The following TRIM9 variants were observed in gnomAD, a reference collection of about 807,000 sequenced individuals.
TRIM9 encodes the protein E3 ubiquitin-protein ligase TRIM9.
A neutral mutation model predicts 78.3 loss-of-function variants in TRIM9; 26 were observed. The ratio of observed to expected loss-of-function variants is 0.33; its 90% CI spans 0.24 to 0.46. The LOEUF is 0.46. TRIM9 is among the 20% of genes least tolerant of loss of function. The probability of loss-of-function intolerance (pLI) is 1.00; values close to 1 mark genes in which losing one functional copy is unlikely to be tolerated. For synonymous variants in TRIM9, 398 were observed against 416.5 expected, an observed-to-expected ratio of 0.96 and a Z score of 0.54; for missense variants, 787 against 1,036.4, an observed-to-expected ratio of 0.76 and a Z score of 3.30.
intron 12 of TRIM9, chr14:50,978,893 G>A (rs12896981): frequency 0.62 from 609,412 of 981,684 alleles, 190,502 homozygotes; most frequent in East Asian, 0.73. Flanking sequence ...AATAATAATT[G>A]ACTAAGTTGT....
intron 1 of TRIM9, chr14:51,088,958 A>C (rs554646503): frequency 6.6e-6 from 1 of 151,598 alleles, no homozygotes; most frequent in Non-Finnish European, 1.5e-5. Flanking sequence ...TGCAAGTGGC[A>C]GGAAACCAAC....
At chr14:51,054,135 C>T (rs1309736827) in intron 1 of TRIM9, among the ~76,000 whole-genome samples, 1 of 152,230 alleles carries the variant, frequency 6.6e-6, no homozygotes, top group Admixed American at 6.5e-5. Flanking sequence ...AAGATCTCAT[C>T]AGGCTGGCCT....
intron 1 of TRIM9, among the ~76,000 whole-genome samples, chr14:51,076,502 C>G (rs1233804642): frequency 6.6e-6 from 1 of 152,218 alleles, no homozygotes; most frequent in African/African-American, 2.4e-5. Context: ...AGGTACCCCT[C>G]TATCTGTATA....
intron 7 of TRIM9, among the ~76,000 whole-genome samples, chr14:50,993,262 G>A (rs1294381304): frequency 6.6e-6 from 1 of 152,168 alleles, no homozygotes; most frequent in Non-Finnish European, 1.5e-5. Flanking sequence ...TTTCTGCAAA[G>A]ACATGAAAAT....
intron 8 of TRIM9, 40 bp from the exon 9 acceptor site, chr14:50,983,461 A>C (rs2052263496): frequency 6.7e-7 from 1 of 1,490,674 alleles, no homozygotes; most frequent in Non-Finnish European, 9.0e-7. Context: ...TGAAACAACA[A>C]CCAGGTTGAT....
intron 5 of TRIM9, among the ~76,000 whole-genome samples, chr14:51,002,892 G>C (rs2055265726): frequency 6.6e-6 from 1 of 152,202 alleles, no homozygotes; most frequent in African/African-American, 2.4e-5. Flanking sequence ...ATTGGTTTAG[G>C]AGAAGAAATC....
chr14:51,019,569 A>T (rs368327624), intron 3 of TRIM9, among the ~76,000 whole-genome samples: 1 of 152,250 alleles, frequency 6.6e-6, no homozygotes, highest in Non-Finnish European at 1.5e-5. Context: ...ACACCAGTGT[A>T]TGAGCTAATT....
At chr14:51,044,818 A>G (rs1042662273) in intron 1 of TRIM9, among the ~76,000 whole-genome samples, 4 of 152,240 alleles carry the variant, frequency 2.6e-5, no homozygotes, top group Admixed American at 1.3e-4. Context: ...TGGGCTAGAT[A>G]AATAACTGCC....
Position 51,022,853 on chromosome 14 carries a change from C to T in TRIM9, c.1023G>A (p.Glu341=). The T allele has an allele frequency of 1.2e-6, 2 of 1,614,196 alleles. No individual in the cohort carries two copies. Among genetic ancestry groups the T allele is most frequent in the Non-Finnish European group, 1.7e-6 (2 of 1,180,030 alleles). ...KAQLLARVNK[E]HEHKLKVVRD... ...CACTCACCTTCAGCTTGTGCTCATG[C>T]TCCTTGTTGACGCGGGCCAGCAGCT... The change falls in exon 3 of 13, where the codon GAG becomes GAA. Residue 341 remains glutamate, a synonymous_variant. Coordinates refer to ENST00000684578, the MANE Select transcript of TRIM9 (RefSeq NM_001387360.1).
At chr14:51,081,401 T>C (rs2063296678) in intron 1 of TRIM9, among the ~76,000 whole-genome samples, 1 of 152,218 alleles carries the variant, frequency 6.6e-6, no homozygotes, top group South Asian at 2.1e-4. Flanking sequence ...CTGGTGGGAA[T>C]GTAAGATGGT....
chr14:51,019,671 T>G (rs1281829359), intron 3 of TRIM9, among the ~76,000 whole-genome samples: 2 of 152,164 alleles, frequency 1.3e-5, no homozygotes, highest in Non-Finnish European at 2.9e-5. Flanking sequence ...TCATTCTCTC[T>G]CAATCACAAC....
chr14:51,015,119 T>A (rs1306101749), intron 3 of TRIM9, among the ~76,000 whole-genome samples: 1 of 152,232 alleles, frequency 6.6e-6, no homozygotes, highest in African/African-American at 2.4e-5. Context: ...GGCAAATTTA[T>A]AAAGGTCATT....
chr14:51,012,689 T>C (rs1165150147), intron 3 of TRIM9, among the ~76,000 whole-genome samples: 2 of 152,174 alleles, frequency 1.3e-5, no homozygotes, highest in Non-Finnish European at 2.9e-5. Flanking sequence ...TGCACAAGGG[T>C]TCCAATTTCT....
In TRIM9 at chr14:51,072,680, A is replaced by G. The variant is rs71422015; in HGVS notation, c.822+21438T>C. On this transcript the variant is annotated intron_variant, in intron 1 of 12. Transcript: ENST00000684578. The stretch of plus-strand genomic sequence containing the variant: ...CTTTTTTTTTTTTTACTTAGAGACT[A>G]TTTGAATAGCTCTTACTTTCATTTA... Among the ~76,000 whole-genome samples, 1,032 of 151,244 alleles carry G rather than the reference A, an allele frequency of 6.8e-3. 7 individuals are homozygous for G. The highest frequency in any genetic ancestry group is 0.024 in the Middle Eastern group (7 of 292).
intron 1 of TRIM9, among the ~76,000 whole-genome samples, chr14:51,043,365 T>A (rs1174545133): frequency 1.3e-5 from 2 of 152,032 alleles, no homozygotes. Flanking sequence ...CGGCGGGGAA[T>A]AGTGGGAACA....
chr14:51,050,380 T>G (rs2060305138), intron 1 of TRIM9, among the ~76,000 whole-genome samples: 1 of 152,200 alleles, frequency 6.6e-6, no homozygotes. Context: ...CCCTTTCACT[T>G]GGTTCTCATT....
rs1223336251 is a variant in TRIM9, at chr14:50,976,890, A to C, written c.*401T>G. On this transcript the variant is annotated 3_prime_UTR_variant, in exon 13 of 13. Coordinates refer to ENST00000684578, the MANE Select transcript of TRIM9 (RefSeq NM_001387360.1). ...ACCTCATTGTTTGACAGAAAGCTTAAGAAAAAAAGTTAGCAGGAGAATTTT... is the reference window on the plus strand; with the variant it reads ...ACCTCATTGTTTGACAGAAAGCTTACGAAAAAAAGTTAGCAGGAGAATTTT... The C allele has an allele frequency of 6.4e-6, 1 of 155,584 alleles. No homozygotes were observed. Among genetic ancestry groups the C allele is most frequent in the Non-Finnish European group, 1.4e-5 (1 of 70,074 alleles). The allele number at this position is 155,584 out of a possible 1,614,324, so 9.6% of individuals were successfully genotyped here.
chr14:51,007,212 T>C (rs2055927557), intron 5 of TRIM9, among the ~76,000 whole-genome samples: 1 of 152,226 alleles, frequency 6.6e-6, no homozygotes, highest in Non-Finnish European at 1.5e-5. Context: ...TTTTGTGACA[T>C]ATTTTTTCCT....
intron 1 of TRIM9, among the ~76,000 whole-genome samples, chr14:51,093,697 C>T (rs530847751): frequency 3.9e-5 from 6 of 152,244 alleles, no homozygotes; most frequent in Non-Finnish European, 8.8e-5. Flanking sequence ...CCACCGCCCC[C>T]ATCCCAGTCC....
Sources: gnomAD v4.1 joint callset for allele counts (sites outside exome capture counted in the v4.1 genomes callset) on GRCh38, gnomAD v4.1.1 for gene constraint, MANE v1.5 for transcripts, NCBI Gene and HGNC (gene_info 2026-07-23, HGNC 2026-07-21) for gene names.